Variants in TMEM132D observed in about 807,000 individuals in gnomAD.
TMEM132D encodes the protein mature OL transmembrane protein.
Under a neutral mutation model 62.3 loss-of-function variants are expected in TMEM132D, and 21 were observed. The observed-to-expected ratio is 0.34, with a 90% confidence interval of 0.24 to 0.49. TMEM132D has a LOEUF of 0.49. Among genes scored for constraint, TMEM132D ranks in the 20% least tolerant of loss-of-function variants. TMEM132D has a pLI of 0.99. For missense variants in TMEM132D, 1,346 were observed against 1,402.8 expected (o/e 0.96, Z 0.65); for synonymous variants, 621 against 575.6 (o/e 1.08, Z -1.13).
At chr12:129,771,524 C>T (rs902222901) in intron 1 of TMEM132D, among the ~76,000 whole-genome samples, 7 of 152,294 alleles carry the variant, frequency 4.6e-5, no homozygotes, top group African/African-American at 1.2e-4. Context: ...CTTGCCACTG[C>T]CGGTTGCCTA....
intron 2 of TMEM132D, among the ~76,000 whole-genome samples, chr12:129,532,277 C>G (rs1367379660): frequency 2.6e-5 from 4 of 152,030 alleles, no homozygotes; most frequent in African/African-American, 9.7e-5. Flanking sequence ...ATGGTGGGAG[C>G]GGCCGACTTG....
intron 5 of TMEM132D, among the ~76,000 whole-genome samples, chr12:129,107,699 G>GT (rs1470878225): frequency 2.0e-5 from 3 of 152,212 alleles, no homozygotes; most frequent in Non-Finnish European, 4.4e-5. Flanking sequence ...ACACAGAGCA[G>GT]TTTTTTTGAG....
intron 3 of TMEM132D, among the ~76,000 whole-genome samples, chr12:129,452,025 G>A (rs1261276223): frequency 6.6e-6 from 1 of 152,174 alleles, no homozygotes; most frequent in Non-Finnish European, 1.5e-5. Context: ...CTTGAATCTG[G>A]GTTCCTGGAG....
intron 3 of TMEM132D, among the ~76,000 whole-genome samples, chr12:129,383,405 T>C (rs553243659): frequency 1.6e-4 from 25 of 152,256 alleles, no homozygotes; most frequent in East Asian, 1.4e-3. Context: ...TTTTAGCACC[T>C]CATGTAAACC....
At chr12:129,116,654 T>C (rs762442267) in intron 5 of TMEM132D, among the ~76,000 whole-genome samples, 43 of 152,136 alleles carry the variant, frequency 2.8e-4, no homozygotes, top group Non-Finnish European at 5.4e-4. Context: ...ATGTTGTATA[T>C]ATCACCAGGG....
At chr12:129,268,401 A>C (rs1880755999) in intron 4 of TMEM132D, among the ~76,000 whole-genome samples, 1 of 152,256 alleles carries the variant, frequency 6.6e-6, no homozygotes, top group Non-Finnish European at 1.5e-5. Flanking sequence ...TCTCAAAAGA[A>C]GACATTTATG....
chr12:129,269,008 G>A (rs866508247), intron 4 of TMEM132D, among the ~76,000 whole-genome samples: 17 of 135,944 alleles, frequency 1.3e-4, no homozygotes, highest in African/African-American at 1.6e-4. Context: ...ATCACACACC[G>A]GGGCCTGTTG....
chr12:129,154,030 C>G (rs971720601), intron 5 of TMEM132D, among the ~76,000 whole-genome samples: 12 of 152,214 alleles, frequency 7.9e-5, no homozygotes, highest in Admixed American at 7.2e-4. Context: ...AAAATCTTCT[C>G]TGGAAATCAC....
At chr12:129,676,121 A>G (rs1442105154) in intron 2 of TMEM132D, among the ~76,000 whole-genome samples, 1 of 152,240 alleles carries the variant, frequency 6.6e-6, no homozygotes, top group Non-Finnish European at 1.5e-5. Flanking sequence ...GCTCAGAAGG[A>G]GACCACAATG....
At chr12:129,680,758 C>T (rs901058588) in intron 2 of TMEM132D, among the ~76,000 whole-genome samples, 1 of 152,098 alleles carries the variant, frequency 6.6e-6, no homozygotes, top group African/African-American at 2.4e-5. Flanking sequence ...TGACACAGCC[C>T]AAGTATGAAT....
rs1235792038 is a variant in TMEM132D, at chr12:129,095,051, A to C, written c.1444-10349T>G. Among the ~76,000 whole-genome samples the C allele has an allele frequency of 3.3e-5, 5 of 151,248 alleles. No individual in the cohort carries two copies. The East Asian group carries it at 9.8e-4, about 30-fold the overall frequency. On this transcript the variant is annotated intron_variant, in intron 5 of 8. Transcript: ENST00000422113. ...CTGTCGTGGGGTCGGGGGAGGGGGG[A>C]AGGATAGCATTAGGAGATATATCTA...
chr12:129,110,682 C>G (rs576965348), intron 5 of TMEM132D: 5 of 152,340 alleles, frequency 3.3e-5, no homozygotes, highest in African/African-American at 9.6e-5. Context: ...AGGATGTGCT[C>G]TATAGGTCAG....
chr12:129,249,928 C>T (rs1310988108), intron 4 of TMEM132D, among the ~76,000 whole-genome samples: 1 of 152,072 alleles, frequency 6.6e-6, no homozygotes, highest in Non-Finnish European at 1.5e-5. Flanking sequence ...ACAGCAGGCC[C>T]CGTGACCTTA....
intron 3 of TMEM132D, among the ~76,000 whole-genome samples, chr12:129,441,894 C>T (rs1872946349): frequency 6.6e-6 from 1 of 152,144 alleles, no homozygotes; most frequent in African/African-American, 2.4e-5. Context: ...AAACAGAAAA[C>T]TCAATAATGC....
At chr12:129,768,597 G>A (rs564801781) in intron 1 of TMEM132D, among the ~76,000 whole-genome samples, 11 of 152,004 alleles carry the variant, frequency 7.2e-5, no homozygotes, top group South Asian at 6.3e-4. Flanking sequence ...TGCCTGGAAC[G>A]GGGCTGAGTT....
At chr12:129,430,552 C>G (rs1454695111) in intron 3 of TMEM132D, among the ~76,000 whole-genome samples, 1 of 152,118 alleles carries the variant, frequency 6.6e-6, no homozygotes, top group Non-Finnish European at 1.5e-5. Context: ...ATACTCCTGC[C>G]TGGAACTCCC....
intron 1 of TMEM132D, among the ~76,000 whole-genome samples, chr12:129,851,973 C>A (rs1371201715): frequency 6.6e-6 from 1 of 152,202 alleles, no homozygotes; most frequent in Non-Finnish European, 1.5e-5. Flanking sequence ...GACTTTTAAA[C>A]TCACAAAACA....
intron 2 of TMEM132D, among the ~76,000 whole-genome samples, chr12:129,685,747 A>G (rs1381773230): frequency 1.3e-5 from 2 of 152,206 alleles, no homozygotes; most frequent in African/African-American, 4.8e-5. Flanking sequence ...CCAGCCCATG[A>G]AAGCAGCTGG....
At chr12:129,587,885 A>G (rs1299551801) in intron 2 of TMEM132D, among the ~76,000 whole-genome samples, 1 of 152,206 alleles carries the variant, frequency 6.6e-6, no homozygotes, top group Non-Finnish European at 1.5e-5. Context: ...CCTCAAACCA[A>G]CAGCAATTAA....
Sources: allele counts gnomAD v4.1 joint callset (sites outside exome capture counted in the v4.1 genomes callset), GRCh38; gene constraint gnomAD v4.1.1; transcripts MANE v1.5; gene names NCBI Gene and HGNC (gene_info 2026-07-23, HGNC 2026-07-21).